The following CNTLN variants were observed in gnomAD, a reference collection of about 807,000 sequenced individuals.
The protein encoded by CNTLN is centlein, also known as centlein, centrosomal protein.
A neutral mutation model predicts 180.0 loss-of-function variants in CNTLN; 212 were observed. That is an observed-to-expected ratio of 1.18 (90% confidence interval 1.05 to 1.32). CNTLN has a LOEUF of 1.32. CNTLN is among the 40% of genes most tolerant of loss of function. The probability of loss-of-function intolerance (pLI) is 0.00; values close to 1 mark genes in which losing one functional copy is unlikely to be tolerated. For missense variants in CNTLN, 2,095 were observed against 1,610.9 expected (o/e 1.30, Z -5.14); for synonymous variants, 722 against 563.1 (o/e 1.28, Z -3.99).
chr9:17,192,355 C>T (rs1272578190), intron 2 of CNTLN, among the ~76,000 whole-genome samples: 1 of 151,540 alleles, frequency 6.6e-6, no homozygotes, highest in African/African-American at 2.4e-5. Flanking sequence ...TCACCTGCTT[C>T]AGCCTCCTGA....
rs542144239 is a variant in CNTLN at position 17,352,490 on chromosome 9, A to C, written c.1886+10046A>C. Reference sequence around the variant, plus strand: ...TTTCTGAGATGGAAAGAAAATGCTTAGCAAAAAATGTCTGCCAATGATGAC... The same window carrying C: ...TTTCTGAGATGGAAAGAAAATGCTTCGCAAAAAATGTCTGCCAATGATGAC... On this transcript the variant is annotated intron_variant, in intron 12 of 25. Coordinates refer to ENST00000380647, the MANE Select transcript of CNTLN (RefSeq NM_017738.4). Among the ~76,000 whole-genome samples, 79 of 150,912 alleles carry C rather than the reference A, an allele frequency of 5.2e-4. 1 individual carries two copies. Among genetic ancestry groups the C allele is most frequent in the African/African-American group, 1.7e-3 (70 of 41,224 alleles).
rs143715339 is a variant in CNTLN, at chr9:17,342,464, A to G, written c.1886+20A>G. ...TCAAAAGTGAGTTTCATTTTTAACA[A>G]TATGGACTTAGATAAAATACTTGGG... On this transcript the variant is annotated intron_variant, in intron 12 of 25. Coordinates refer to ENST00000380647, the MANE Select transcript of CNTLN (RefSeq NM_017738.4). 9.0e-4 allele frequency: 1,432 copies of G among 1,588,460 alleles called. 11 individuals are homozygous for G. In the African/African-American group the frequency reaches 0.016, roughly 18 times the overall value.
At chr9:17,446,068 C>G (rs1830394675) in intron 18 of CNTLN, among the ~76,000 whole-genome samples, 1 of 152,150 alleles carries the variant, frequency 6.6e-6, no homozygotes, top group South Asian at 2.1e-4. Flanking sequence ...GACCTTTGTT[C>G]ACGTGTTTGT....
chr9:17,331,279 G>T (rs1169541945), intron 9 of CNTLN, among the ~76,000 whole-genome samples: 1 of 151,570 alleles, frequency 6.6e-6, no homozygotes, highest in Admixed American at 6.6e-5. Context: ...TTCTGCACTT[G>T]TTATATATTT....
intron 2 of CNTLN, among the ~76,000 whole-genome samples, chr9:17,149,641 C>T (rs1362511607): frequency 1.3e-5 from 2 of 151,774 alleles, no homozygotes; most frequent in East Asian, 3.9e-4. Flanking sequence ...CCTCAGCCCC[C>T]CAAGTAGCTG....
intron 1 of CNTLN, among the ~76,000 whole-genome samples, chr9:17,139,799 G>A (rs901430064): frequency 1.1e-4 from 17 of 151,998 alleles, no homozygotes; most frequent in African/African-American, 3.6e-4. Context: ...TGACCTCCTG[G>A]GCTCAAAGGA....
intron 13 of CNTLN, among the ~76,000 whole-genome samples, chr9:17,376,633 A>T (rs946598525): frequency 2.0e-5 from 3 of 151,832 alleles, no homozygotes; most frequent in Non-Finnish European, 4.4e-5. Context: ...TTGTATTTTT[A>T]GTAGAGACGG....
At chr9:17,151,744 C>G (rs1024542326) in intron 2 of CNTLN, among the ~76,000 whole-genome samples, 2 of 152,110 alleles carry the variant, frequency 1.3e-5, no homozygotes. Context: ...GGTACCAGCT[C>G]CTCTTTGTAC....
At chr9:17,416,502 A>G (rs1828263959) in intron 18 of CNTLN, among the ~76,000 whole-genome samples, 1 of 152,164 alleles carries the variant, frequency 6.6e-6, no homozygotes, top group African/African-American at 2.4e-5. Context: ...TAGTGTTTAA[A>G]AGCAGGCTTC....
chr9:17,351,380 T>A (rs1216624279), intron 12 of CNTLN, among the ~76,000 whole-genome samples: 2 of 152,200 alleles, frequency 1.3e-5, no homozygotes, highest in African/African-American at 4.8e-5. Flanking sequence ...TGCAACTAAG[T>A]ATATCCAAAT....
Position 17,502,745 on chromosome 9 carries a change from C to A in CNTLN, c.*93C>A. The A allele has an allele frequency of 2.1e-6, 1 of 475,274 alleles. No homozygotes were observed. The highest frequency in any genetic ancestry group is 3.8e-6 in the Non-Finnish European group (1 of 265,036). The allele number at this position is 475,274 out of a possible 1,614,324, so 29.4% of individuals were successfully genotyped here. ...TGCAATCCTGACACGGTATCTGCTC[C>A]AACTATCAATAGTCAGGTTCAATAC... On this transcript the variant is annotated 3_prime_UTR_variant, in exon 26 of 26. Transcript: ENST00000380647.
chr9:17,263,536 A>G (rs986740047), intron 5 of CNTLN, among the ~76,000 whole-genome samples: 2 of 151,756 alleles, frequency 1.3e-5, no homozygotes, highest in African/African-American at 4.9e-5. Context: ...AGCATGATTT[A>G]TAATCCTTTG....
chr9:17,352,308 A>G (rs1822429944), intron 12 of CNTLN, among the ~76,000 whole-genome samples: 1 of 151,238 alleles, frequency 6.6e-6, no homozygotes, highest in Non-Finnish European at 1.5e-5. Context: ...TTAAGTAGCT[A>G]AAATCAAAAT....
chr9:17,167,705 G>A (rs1407284361), intron 2 of CNTLN: 1 of 152,062 alleles, frequency 6.6e-6, no homozygotes, highest in Non-Finnish European at 1.5e-5. Flanking sequence ...GTTAATAACA[G>A]AGTGATGCAA....
At chr9:17,189,171 C>T (rs1488234346) in intron 2 of CNTLN, among the ~76,000 whole-genome samples, 2 of 148,392 alleles carry the variant, frequency 1.3e-5, no homozygotes, top group Non-Finnish European at 3.0e-5. Flanking sequence ...CAAGCTCCGC[C>T]TCCCGGGTTC....
intron 1 of CNTLN, among the ~76,000 whole-genome samples, chr9:17,141,195 A>G (rs1818065432): frequency 6.6e-6 from 1 of 152,188 alleles, no homozygotes; most frequent in Non-Finnish European, 1.5e-5. Context: ...CTAAAAAGAG[A>G]GAATGGATGA....
intron 10 of CNTLN, among the ~76,000 whole-genome samples, chr9:17,339,383 G>T (rs1821297817): frequency 6.6e-6 from 1 of 152,188 alleles, no homozygotes; most frequent in Non-Finnish European, 1.5e-5. Flanking sequence ...GAGACTGAAA[G>T]AAGCTAACTT....
chr9:17,158,987 T>C (rs901458202), intron 2 of CNTLN, among the ~76,000 whole-genome samples: 5 of 152,156 alleles, frequency 3.3e-5, no homozygotes, highest in Non-Finnish European at 7.3e-5. Flanking sequence ...GTTATATCCT[T>C]CCATCTTAGC....
intron 6 of CNTLN, among the ~76,000 whole-genome samples, chr9:17,283,323 G>C (rs1193730525): frequency 6.6e-6 from 1 of 152,022 alleles, no homozygotes; most frequent in Non-Finnish European, 1.5e-5. Flanking sequence ...TCTCTTGTTA[G>C]CTGTATTCCT....
Sources: gnomAD v4.1 joint callset for allele counts (sites outside exome capture counted in the v4.1 genomes callset) on GRCh38, gnomAD v4.1.1 for gene constraint, MANE v1.5 for transcripts, NCBI Gene and HGNC (gene_info 2026-07-23, HGNC 2026-07-21) for gene names.